The following LRRC28 variants were observed in gnomAD, a reference collection of about 807,000 sequenced individuals.
LRRC28 encodes the protein leucine rich repeat containing 28.
LRRC28 carries 39 observed loss-of-function variants against 45.7 expected under a neutral mutation model. The ratio of observed to expected loss-of-function variants is 0.85; its 90% confidence interval spans 0.66 to 1.12. LRRC28 has a LOEUF of 1.12. Ranked by LOEUF, LRRC28 falls within the 50% of genes most tolerant of loss-of-function variation. LRRC28 has a pLI of 0.00. For synonymous variants in LRRC28, 206 were observed against 178.8 expected (o/e 1.15, Z -1.22); for missense variants, 435 against 438.5 (o/e 0.99, Z 0.07).
intron 8 of LRRC28, 106 bp from the exon 9 acceptor site, chr15:99,363,000 G>C (rs1372788560): frequency 2.5e-6 from 3 of 1,206,322 alleles, no homozygotes; most frequent in Admixed American, 4.7e-5. Context: ...TCAACATGAA[G>C]TACTTTTAAG....
chr15:99,307,089 G>A (rs1010362086), intron 5 of LRRC28, among the ~76,000 whole-genome samples: 3 of 152,208 alleles, frequency 2.0e-5, no homozygotes, highest in Admixed American at 1.3e-4. Flanking sequence ...CCATTAGACT[G>A]TATGTAAACA....
chr15:99,272,702 T>C (rs1050342650), intron 2 of LRRC28, among the ~76,000 whole-genome samples: 9 of 152,210 alleles, frequency 5.9e-5, no homozygotes, highest in Non-Finnish European at 1.0e-4. Flanking sequence ...TAGATAATAA[T>C]GTAAATGAGA....
intron 2 of LRRC28, among the ~76,000 whole-genome samples, chr15:99,273,786 G>A (rs183057041): frequency 2.0e-4 from 30 of 152,330 alleles, no homozygotes; most frequent in East Asian, 3.9e-4. Context: ...AAGAATGACC[G>A]TGGAGTGTGT....
intron 5 of LRRC28, among the ~76,000 whole-genome samples, chr15:99,311,042 G>A (rs768474671): frequency 7.9e-5 from 12 of 151,650 alleles, no homozygotes; most frequent in Admixed American, 3.3e-4. Flanking sequence ...GGAACCTGCC[G>A]TTGGTGTCCT....
intron 5 of LRRC28, among the ~76,000 whole-genome samples, chr15:99,322,512 A>G (rs1023511730): frequency 2.6e-5 from 4 of 152,130 alleles, no homozygotes; most frequent in African/African-American, 7.2e-5. Context: ...TCTCTATTCT[A>G]TAGAGGGTGT....
rs377409958 is a variant in LRRC28, at chr15:99,310,825, C to A, written c.385+22874C>A. 2.0e-5 allele frequency among the ~76,000 whole-genome samples: 3 copies of A among 152,216 alleles called. No individual in the cohort carries two copies. The East Asian group carries it at 5.8e-4, about 29-fold the overall frequency. On this transcript the variant is annotated intron_variant, in intron 5 of 9. Transcript: ENST00000301981. ...CTTCTGTAAGGTGTTTCACGCAATACGGCTGTCCACTTTCTCCAACAGTTT... is the reference window on the plus strand; with the variant it reads ...CTTCTGTAAGGTGTTTCACGCAATAAGGCTGTCCACTTTCTCCAACAGTTT...
In LRRC28 at chr15:99,387,437, T is replaced by C. The variant is rs919663041; in HGVS notation, c.*1335T>C. ...TCGTCACCTGGTGCACCACACTGTC[T>C]TCATGTTGGCCCTCGTTTCTTGTAT... is the stretch of plus-strand genomic sequence containing the variant. On this transcript the variant is annotated 3_prime_UTR_variant, in exon 10 of 10. Coordinates refer to ENST00000301981, the MANE Select transcript of LRRC28 (RefSeq NM_144598.5). 4 of 152,204 alleles carry C rather than the reference T, an allele frequency of 2.6e-5. No individual in the cohort carries two copies. Among genetic ancestry groups the C allele is most frequent in the Non-Finnish European group, 5.9e-5 (4 of 68,046 alleles). 9.4% of individuals were successfully genotyped at this position (152,204 alleles called of 1,614,324 possible).
At chr15:99,331,726 C>T (rs1048780154) in intron 5 of LRRC28, among the ~76,000 whole-genome samples, 2 of 152,156 alleles carry the variant, frequency 1.3e-5, no homozygotes, top group Non-Finnish European at 2.9e-5. Context: ...CTGCTCTTCT[C>T]CCATTGGTGT....
chr15:99,360,967 C>CT (rs532602346), intron 7 of LRRC28: 63 of 157,096 alleles, frequency 4.0e-4, no homozygotes, highest in Middle Eastern at 3.2e-3. Flanking sequence ...ACAAAGTACT[C>CT]TTTTTTTTTC....
intron 5 of LRRC28, among the ~76,000 whole-genome samples, chr15:99,332,932 A>G (rs1201018085): frequency 6.6e-6 from 1 of 152,162 alleles, no homozygotes; most frequent in Non-Finnish European, 1.5e-5. Flanking sequence ...AGAAGGGGAA[A>G]CCTTAACCTA....
At chr15:99,259,062 C>G (rs1051984111) in intron 2 of LRRC28, 4 of 977,010 alleles carry the variant, frequency 4.1e-6, no homozygotes, top group African/African-American at 1.6e-5. Flanking sequence ...TACAATGATA[C>G]TTTTTGGAAA....
chr15:99,251,963 C>A (rs1415937917), intron 1 of LRRC28: 3 of 152,330 alleles, frequency 2.0e-5, no homozygotes, highest in African/African-American at 7.2e-5. Context: ...AATGCGTATT[C>A]TACTAAATTG....
At chr15:99,380,433 C>T (rs1020670376) in intron 9 of LRRC28, among the ~76,000 whole-genome samples, 1 of 152,160 alleles carries the variant, frequency 6.6e-6, no homozygotes, top group Non-Finnish European at 1.5e-5. Flanking sequence ...GTGTGTGTCT[C>T]TGCACATGAG....
intron 6 of LRRC28, among the ~76,000 whole-genome samples, chr15:99,349,865 G>A (rs944385092): frequency 2.0e-5 from 3 of 152,150 alleles, no homozygotes; most frequent in African/African-American, 4.8e-5. Context: ...GGCCGGGCGC[G>A]GTGGCTCACG....
intron 2 of LRRC28, among the ~76,000 whole-genome samples, chr15:99,263,251 T>C (rs866628630): frequency 1.4e-5 from 2 of 145,660 alleles, no homozygotes; most frequent in African/African-American, 2.6e-5. Context: ...CCCAGGAGGT[T>C]GAAGCTGCAG....
At chr15:99,362,758 C>A (rs57822472) in intron 8 of LRRC28, among the ~76,000 whole-genome samples, 12,193 of 152,130 alleles carry the variant, frequency 0.08, 1,645 homozygotes, top group African/African-American at 0.28. Flanking sequence ...TCCAAAAATT[C>A]TCTGACTCTT....
At chr15:99,331,455 G>A (rs1956155602) in intron 5 of LRRC28, among the ~76,000 whole-genome samples, 2 of 151,976 alleles carry the variant, frequency 1.3e-5, no homozygotes, top group African/African-American at 4.8e-5. Flanking sequence ...AGTACCTCTG[G>A]AATTTGTCTT....
intron 6 of LRRC28, among the ~76,000 whole-genome samples, chr15:99,344,898 C>T (rs975586525): frequency 6.6e-6 from 1 of 152,214 alleles, no homozygotes; most frequent in Admixed American, 6.5e-5. Flanking sequence ...CAACTCTTCT[C>T]TGTGCAATTA....
At chr15:99,255,453 C>A (rs2080989001) in intron 1 of LRRC28, among the ~76,000 whole-genome samples, 1 of 151,820 alleles carries the variant, frequency 6.6e-6, no homozygotes, top group African/African-American at 2.4e-5. Context: ...GAAAATGAAG[C>A]TATTAGTGCT....
Sources: allele counts gnomAD v4.1 joint callset (sites outside exome capture counted in the v4.1 genomes callset), GRCh38; gene constraint gnomAD v4.1.1; transcripts MANE v1.5; gene names NCBI Gene and HGNC (gene_info 2026-07-23, HGNC 2026-07-21).